The following KIRREL3 variants were observed in gnomAD, a reference collection of about 807,000 sequenced individuals.
The protein encoded by KIRREL3 is kin of IRRE-like protein 3.
A neutral mutation model predicts 89.7 loss-of-function variants in KIRREL3; 36 were observed. That is an observed-to-expected ratio of 0.40 (90% CI 0.31 to 0.53). The LOEUF (loss-of-function observed/expected upper bound fraction) is 0.53. Ranked by LOEUF, KIRREL3 falls within the 20% of genes least tolerant of loss-of-function variation. The probability of loss-of-function intolerance (pLI) is 0.49; values close to 1 mark genes in which losing one functional copy is unlikely to be tolerated. For synonymous variants in KIRREL3, 445 were observed against 441.4 expected, an observed-to-expected ratio of 1.01 and a Z score of -0.10; for missense variants, 864 against 1,056.6, an observed-to-expected ratio of 0.82 and a Z score of 2.53.
intron 12 of KIRREL3, 110 bp downstream of exon 12, chr11:126,436,701 T>A (rs1955349356): frequency 8.6e-7 from 1 of 1,157,418 alleles, no homozygotes; most frequent in East Asian, 2.5e-5. Context: ...CACTGTGGCT[T>A]GTCCTTGGGC....
At chr11:126,958,878 T>C (rs1671103109) in intron 1 of KIRREL3, among the ~76,000 whole-genome samples, 1 of 152,184 alleles carries the variant, frequency 6.6e-6, no homozygotes. Flanking sequence ...GTTATAAAAT[T>C]CCCAGATATT....
Position 126,960,678 on chromosome 11 carries a change from G to T in KIRREL3, c.55+39777C>A, listed in dbSNP as rs552671645. Among the ~76,000 whole-genome samples the T allele has an allele frequency of 4.6e-5, 7 of 152,254 alleles. No homozygotes were observed. In the South Asian group the frequency reaches 1.5e-3, roughly 32 times the overall value. Reference sequence around the variant, plus strand: ...CTAAGCAAAAAATTCAGATTTTGTAGATCTTACTTTTGAAGAACTCCACCC... The same window carrying T: ...CTAAGCAAAAAATTCAGATTTTGTATATCTTACTTTTGAAGAACTCCACCC... On this transcript the variant is annotated intron_variant, in intron 1 of 16. Transcript: ENST00000525144.
chr11:126,696,614 C>T lies in KIRREL3; in HGVS notation c.56-133702G>A, dbSNP rs530668537. The stretch of plus-strand genomic sequence containing the variant: ...CCAAACGTTGCTGATCAACACACCA[C>T]AGCTGGAATCCACAGAGGCGCCACA... On this transcript the variant is annotated intron_variant, in intron 1 of 16. Transcript: ENST00000525144. The surrounding 1 kb of genome is among the most constrained non-coding windows in gnomAD (Gnocchi z 4.4). Among the ~76,000 whole-genome samples the T allele has an allele frequency of 3.3e-5, 5 of 152,346 alleles. No individual in the cohort carries two copies. The South Asian group carries it at 1.0e-3, about 32-fold the overall frequency.
rs1949959576 is a variant in KIRREL3, at chr11:126,769,717, A to C, written c.56-206805T>G. 6.6e-6 allele frequency among the ~76,000 whole-genome samples: 1 copy of C among 152,172 alleles called. No individual in the cohort carries two copies. ...AGACATTTGTCCTTGGTGAGCTCACATCTTATAGCTTCCAGGGGCAAGGTG... is the reference window on the plus strand; with the variant it reads ...AGACATTTGTCCTTGGTGAGCTCACCTCTTATAGCTTCCAGGGGCAAGGTG... On this transcript the variant is annotated intron_variant, in intron 1 of 16. Transcript: ENST00000525144. This position sits in a 1 kb window ranked among gnomAD's most constrained non-coding sequence, Gnocchi z 4.3.
intron 1 of KIRREL3, among the ~76,000 whole-genome samples, chr11:126,847,060 T>A (rs1422176797): frequency 6.6e-6 from 1 of 152,190 alleles, no homozygotes; most frequent in African/African-American, 2.4e-5. Flanking sequence ...TACCTTATGG[T>A]CAGGCATTAC....
At position 126,441,959 on chromosome 11, in the gene KIRREL3, C is replaced by T. The variant is rs2134181393; in HGVS notation, c.1253-1410G>A. On this transcript the variant is annotated intron_variant, in intron 10 of 16. Transcript: ENST00000525144. This position sits in a 1 kb window ranked among gnomAD's most constrained non-coding sequence, Gnocchi z 5.0. The stretch of plus-strand genomic sequence containing the variant: ...GATGGTGCTTTGTTTTATTGCTGGA[C>T]TAAAACGTGATGATAATATAAAACC... Among the ~76,000 whole-genome samples, 1 of 152,172 alleles carries T rather than the reference C, an allele frequency of 6.6e-6. No individual in the cohort carries two copies. The highest frequency in any genetic ancestry group is 1.9e-4 in the East Asian group (1 of 5,176).
rs74466843 is a variant in KIRREL3 at position 126,828,316 on chromosome 11, A to G, written c.55+172139T>C. ...CTGGCAAGGTGATGCGACCTGCTTG[A>G]GGTGGCCCAGGTAGTGGCAGGGAGG... On this transcript the variant is annotated intron_variant, in intron 1 of 16. Coordinates refer to ENST00000525144, the MANE Select transcript of KIRREL3 (RefSeq NM_032531.4). Among the ~76,000 whole-genome samples, 3 of 152,108 alleles carry G rather than the reference A, an allele frequency of 2.0e-5. No homozygotes were observed. The East Asian group carries it at 5.8e-4, about 30-fold the overall frequency.
At chr11:126,584,604 C>A (rs905996985) in intron 1 of KIRREL3, among the ~76,000 whole-genome samples, 2 of 152,228 alleles carry the variant, frequency 1.3e-5, no homozygotes, top group African/African-American at 4.8e-5. Flanking sequence ...GTGGGCTTAA[C>A]TTTCCTCCTC....
Position 126,668,723 on chromosome 11 carries a change from TTCTTTCTTTCTTTCTTTC to T in KIRREL3, c.56-105829_56-105812del, listed in dbSNP as rs1233732963. Among the ~76,000 whole-genome samples, 34 of 123,000 alleles carry T rather than the reference TTCTTTCTTTCTTTCTTTC, an allele frequency of 2.8e-4. No homozygotes were observed. Among genetic ancestry groups the T allele is most frequent in the South Asian group, 8.5e-4 (3 of 3,544 alleles). The allele number at this position is 123,000 out of a possible 152,430, so 80.7% of individuals were successfully genotyped here. ...TTTCTTTCTTTCTTTCTTTCTTTCT[TTCTTTCTTTCTTTCTTTC>T]TTTCTTTCTTTCTTTTTTCTCTTTC... On this transcript the variant is annotated intron_variant, in intron 1 of 16. Transcript: ENST00000525144. The surrounding 1 kb of genome is among the most constrained non-coding windows in gnomAD (Gnocchi z 4.4).
intron 5 of KIRREL3, among the ~76,000 whole-genome samples, chr11:126,467,436 G>A (rs1239121996): frequency 1.3e-5 from 2 of 152,316 alleles, no homozygotes; most frequent in Non-Finnish European, 2.9e-5. Context: ...TCTGGGCAGT[G>A]GAGAGCCAGG....
At chr11:126,732,425 G>A (rs1328487888) in intron 1 of KIRREL3, among the ~76,000 whole-genome samples, 1 of 152,170 alleles carries the variant, frequency 6.6e-6, no homozygotes, top group Non-Finnish European at 1.5e-5. Context: ...GGAAAGCAAA[G>A]CAATGCTTCA....
intron 1 of KIRREL3, among the ~76,000 whole-genome samples, chr11:126,650,389 G>A (rs1427085572): frequency 1.3e-5 from 2 of 151,712 alleles, no homozygotes; most frequent in Non-Finnish European, 2.9e-5. Context: ...TTTTATGCTT[G>A]GCTTCCCTTA....
intron 1 of KIRREL3, among the ~76,000 whole-genome samples, chr11:126,875,948 G>A (rs2846285): frequency 0.84 from 127,011 of 151,828 alleles, 53,260 homozygotes; most frequent in East Asian, 1. Flanking sequence ...ATCATGAGAT[G>A]CTAGAAACAG....
chr11:126,718,346 A>G (rs1004680532), intron 1 of KIRREL3, among the ~76,000 whole-genome samples: 1 of 151,400 alleles, frequency 6.6e-6, no homozygotes. Flanking sequence ...ATGCAGGTGC[A>G]AGTTGCGGAA....
In KIRREL3 at chr11:126,917,626, A is replaced by G. The variant is rs1050753138; in HGVS notation, c.55+82829T>C. On this transcript the variant is annotated intron_variant, in intron 1 of 16. Coordinates refer to ENST00000525144, the MANE Select transcript of KIRREL3 (RefSeq NM_032531.4). This position sits in a 1 kb window ranked among gnomAD's most constrained non-coding sequence, Gnocchi z 5.0. The stretch of plus-strand genomic sequence containing the variant: ...GAGTGAGTAATGATCACCTGGTGCA[A>G]TCTGGTTTCTAGTATGAGTTGCTTC... 1.3e-5 allele frequency among the ~76,000 whole-genome samples: 2 copies of G among 152,176 alleles called. No individual in the cohort carries two copies. The highest frequency in any genetic ancestry group is 1.9e-4 in the East Asian group (1 of 5,192).
rs1224236111 is a variant in KIRREL3 at position 126,655,770 on chromosome 11, G to T, written c.56-92858C>A. Among the ~76,000 whole-genome samples, 2 of 152,154 alleles carry T rather than the reference G, an allele frequency of 1.3e-5. No homozygotes were observed. The highest frequency in any genetic ancestry group is 4.8e-5 in the African/African-American group (2 of 41,434). On this transcript the variant is annotated intron_variant, in intron 1 of 16. Coordinates refer to ENST00000525144, the MANE Select transcript of KIRREL3 (RefSeq NM_032531.4). The surrounding 1 kb of genome is among the most constrained non-coding windows in gnomAD (Gnocchi z 5.0). ...TAGGCTTGTCTTGGCTCAGGTTTCT[G>T]TGTGGCAACAGCATGATAAAAATTC...
In KIRREL3 at chr11:126,481,099, A is replaced by G. The variant is rs565053661; in HGVS notation, c.434-7633T>C. 5.3e-5 allele frequency among the ~76,000 whole-genome samples: 8 copies of G among 152,330 alleles called. No homozygotes were observed. The South Asian group carries it at 1.2e-3, about 24-fold the overall frequency. ...AGAAGCTTCTGCCCTAGTGGAGTTT[A>G]CCTTCTAGTGGGAGAGACAGACAAT... On this transcript the variant is annotated intron_variant, in intron 4 of 16. Coordinates refer to ENST00000525144, the MANE Select transcript of KIRREL3 (RefSeq NM_032531.4).
chr11:126,919,894 G>C (rs145825886), intron 1 of KIRREL3, among the ~76,000 whole-genome samples: 1 of 152,230 alleles, frequency 6.6e-6, no homozygotes, highest in East Asian at 1.9e-4. Context: ...AGTATTAAGA[G>C]TAACAATATT....
chr11:126,981,696 C>G lies in KIRREL3; in HGVS notation c.55+18759G>C, dbSNP rs1334785445. On this transcript the variant is annotated intron_variant, in intron 1 of 16. Coordinates refer to ENST00000525144, the MANE Select transcript of KIRREL3 (RefSeq NM_032531.4). This position sits in a 1 kb window ranked among gnomAD's most constrained non-coding sequence, Gnocchi z 4.2. ...TCAGGGGGCTTTTATCAATGCACCCCCATCCTTGGAGTAGGTTCCTGAGCT... is the reference window on the plus strand; with the variant it reads ...TCAGGGGGCTTTTATCAATGCACCCGCATCCTTGGAGTAGGTTCCTGAGCT... Among the ~76,000 whole-genome samples, 3 of 152,160 alleles carry G rather than the reference C, an allele frequency of 2.0e-5. No homozygotes were observed. Among genetic ancestry groups the G allele is most frequent in the South Asian group, 2.1e-4 (1 of 4,832 alleles).
Sources: allele counts gnomAD v4.1 joint callset (sites outside exome capture counted in the v4.1 genomes callset), GRCh38; gene constraint gnomAD v4.1.1; non-coding constraint Gnocchi (gnomAD v3.1); transcripts MANE v1.5; gene names NCBI Gene and HGNC (gene_info 2026-07-23, HGNC 2026-07-21).